The following DNASE1 variants were observed in gnomAD, a reference collection of about 807,000 sequenced individuals.
DNASE1 encodes the protein deoxyribonuclease-1.
In DNASE1, 40 loss-of-function variants were observed where a neutral mutation model predicts 33.9. The observed-to-expected ratio is 1.18, with a 90% CI of 0.92 to 1.54. The LOEUF (loss-of-function observed/expected upper bound fraction) is 1.54, where lower values mean the gene tolerates loss of function less well. Among genes scored for constraint, DNASE1 ranks in the 40% most tolerant of loss-of-function variants. DNASE1 has a pLI of 0.00. For synonymous variants in DNASE1, 216 were observed against 160.0 expected (o/e 1.35, Z -2.64); for missense variants, 518 against 372.6 (o/e 1.39, Z -3.21).
At chr16:3,635,870 C>T (rs1289869282) in intron 1 of DNASE1, among the ~76,000 whole-genome samples, 6 of 152,060 alleles carry the variant, frequency 3.9e-5, no homozygotes, top group African/African-American at 7.2e-5. Context: ...CTTTGATTTT[C>T]TGTAGTTTAT....
In DNASE1 at chr16:3,654,959, A is replaced by G. The variant is rs2042500410; in HGVS notation, c.-87A>G. On this transcript the variant is annotated 5_prime_UTR_variant, in exon 1 of 9. Coordinates refer to ENST00000246949, the MANE Select transcript of DNASE1 (RefSeq NM_005223.4). ...ATAGACTACTTTTTTTTCTTTAAGC[A>G]GCAAAAGGAGAAAATTGTCATCAAA... 2.2e-6 allele frequency: 1 copy of G among 458,612 alleles called. No homozygotes were observed. The highest frequency in any genetic ancestry group is 3.8e-5 in the Admixed American group (1 of 26,106). 28.4% of individuals were successfully genotyped at this position (458,612 alleles called of 1,614,324 possible).
intron 1 of DNASE1, among the ~76,000 whole-genome samples, chr16:3,635,135 T>G (rs2041828789): frequency 6.6e-6 from 1 of 152,092 alleles, no homozygotes; most frequent in African/African-American, 2.4e-5. Context: ...TGTTATTACC[T>G]TGAACAAACT....
chr16:3,645,793 ACTTT>A (rs908221295), intron 1 of DNASE1, among the ~76,000 whole-genome samples: 9 of 152,312 alleles, frequency 5.9e-5, no homozygotes, highest in South Asian at 2.1e-4. Flanking sequence ...CTGGGTTAAC[ACTTT>A]CTTTATTATA....
downstream of DNASE1, chr16:3,658,906 C>G (rs376595103): frequency 1.9e-6 from 3 of 1,593,574 alleles, no homozygotes; most frequent in Non-Finnish European, 1.7e-6. Flanking sequence ...CTCAGTACCA[C>G]GTGCTGTGAC....
chr16:3,645,376 C>G (rs375816612), intron 1 of DNASE1, among the ~76,000 whole-genome samples: 19 of 152,210 alleles, frequency 1.2e-4, no homozygotes, highest in African/African-American at 4.3e-4. Flanking sequence ...AACATCAGCA[C>G]ACTGGAGTCC....
At chr16:3,639,831 GCAGGTGGATCATT>G, upstream of DNASE1, among the ~76,000 whole-genome samples, 1 of 152,202 alleles carries the variant, frequency 6.6e-6, no homozygotes, top group Non-Finnish European at 1.5e-5. Flanking sequence ...GGAGGCTGAG[GCAGGTGGATCATT>G]TGAGCTCAGG....
chr16:3,663,719 G>C (rs527804576), exon 10 of DNASE1: 1 of 833,106 alleles, frequency 1.2e-6, no homozygotes, highest in Non-Finnish European at 1.8e-6. Flanking sequence ...CAGTTACTAC[G>C]ACACCTGGGT....
At chr16:3,663,467 G>T (rs139364551) in exon 10 of DNASE1, 2 of 1,614,150 alleles carry the variant, frequency 1.2e-6, no homozygotes, top group African/African-American at 2.7e-5. Context: ...AGTGATCCAC[G>T]ACTATGTCCG....
intron 1 of DNASE1, among the ~76,000 whole-genome samples, chr16:3,626,148 C>T (rs991328237): frequency 2.0e-5 from 3 of 150,608 alleles, no homozygotes; most frequent in Non-Finnish European, 2.9e-5. Context: ...GTGATGTGCA[C>T]GGGACTAGTA....
chr16:3,653,738 C>G (rs1233523760), upstream of DNASE1: 1 of 132,554 alleles, frequency 7.5e-6, no homozygotes, highest in Non-Finnish European at 1.5e-5. Flanking sequence ...ACCCAGGAAG[C>G]AGAGGTTGCA....
chr16:3,660,383 T>TC (rs1266573537), downstream of DNASE1: 1 of 152,110 alleles, frequency 6.6e-6, no homozygotes, highest in African/African-American at 2.4e-5. Context: ...TCGCCTGTAA[T>TC]CCCACCACTT....
At chr16:3,655,777 C>CT in intron 2 of DNASE1, 72 bp from the exon 3 acceptor site, 1 of 1,574,056 alleles carries the variant, frequency 6.4e-7, no homozygotes, top group African/African-American at 1.3e-5. Flanking sequence ...TCAGCTGTGG[C>CT]TCCCTTTGTG....
At chr16:3,633,785 C>CTTTTT in intron 1 of DNASE1, among the ~76,000 whole-genome samples, 1 of 152,060 alleles carries the variant, frequency 6.6e-6, no homozygotes, top group Non-Finnish European at 1.5e-5. Context: ...ATTAATTTCA[C>CTTTTT]TTATTCAAAA....
chr16:3,615,570 G>C (rs907276450), intron 1 of DNASE1, among the ~76,000 whole-genome samples: 4 of 152,194 alleles, frequency 2.6e-5, no homozygotes, highest in Admixed American at 6.5e-5. Context: ...AGAACAACCA[G>C]GGAGATGAAA....
chr16:3,624,626 AG>A (rs2041442447), intron 1 of DNASE1, among the ~76,000 whole-genome samples: 1 of 152,210 alleles, frequency 6.6e-6, no homozygotes, highest in Non-Finnish European at 1.5e-5. Flanking sequence ...AGCCATTCCC[AG>A]TGGTGGCCCA....
At chr16:3,634,746 C>T (rs568953117) in intron 1 of DNASE1, among the ~76,000 whole-genome samples, 1 of 151,136 alleles carries the variant, frequency 6.6e-6, no homozygotes, top group Non-Finnish European at 1.5e-5. Flanking sequence ...AACTCCTGGT[C>T]TTAAGAAGTC....
intron 1 of DNASE1, among the ~76,000 whole-genome samples, chr16:3,635,252 G>A (rs1296613207): frequency 6.6e-6 from 1 of 152,050 alleles, no homozygotes; most frequent in Admixed American, 6.6e-5. Context: ...GAGGTCAGGA[G>A]TTCAAGACCA....
downstream of DNASE1, chr16:3,658,903 C>G (rs1451749972): frequency 1.9e-6 from 3 of 1,602,946 alleles, no homozygotes; most frequent in East Asian, 4.5e-5. Context: ...CAGCTCAGTA[C>G]CACGTGCTGT....
Position 3,654,827 on chromosome 16 carries a change from A to G in DNASE1, c.-219A>G. On this transcript the variant is annotated 5_prime_UTR_variant, in exon 1 of 9. Coordinates refer to ENST00000246949, the MANE Select transcript of DNASE1 (RefSeq NM_005223.4). The stretch of plus-strand genomic sequence containing the variant: ...GCTCACATTTGCCCCAGGGAAGGTC[A>G]CAGCTGCCTGAACTTTTAAAACTCC... 2.5e-6 allele frequency: 1 copy of G among 404,304 alleles called. No homozygotes were observed. The highest frequency in any genetic ancestry group is 3.5e-5 in the East Asian group (1 of 28,192). 25.0% of individuals were successfully genotyped at this position (404,304 alleles called of 1,614,324 possible).
Sources: allele counts gnomAD v4.1 joint callset (sites outside exome capture counted in the v4.1 genomes callset), GRCh38; gene constraint gnomAD v4.1.1; transcripts MANE v1.5; gene names NCBI Gene and HGNC (gene_info 2026-07-23, HGNC 2026-07-21).